Variants in NOL4L observed in about 807,000 individuals in gnomAD.
NOL4L encodes the protein nucleolar protein 4-like.
A neutral mutation model predicts 64.5 loss-of-function variants in NOL4L; 7 were observed. The observed-to-expected ratio is 0.11, with a 90% CI of 0.06 to 0.20. NOL4L has a LOEUF of 0.20. NOL4L is among the 10% of genes least tolerant of loss of function. The pLI is 1.00. For missense variants in NOL4L, 680 were observed against 967.1 expected (o/e 0.70, Z 3.94); for synonymous variants, 413 against 401.0 (o/e 1.03, Z -0.36).
rs2013108302 is a variant in NOL4L, at chr20:32,453,167, G to A, written c.1497+137C>T. 3.6e-6 allele frequency: 5 copies of A among 1,407,838 alleles called. No homozygotes were observed. In the African/African-American group the frequency reaches 7.1e-5, roughly 20 times the overall value. 87.2% of individuals were successfully genotyped at this position (1,407,838 alleles called of 1,614,324 possible). On this transcript the variant is annotated intron_variant, in intron 8 of 10. Coordinates refer to ENST00000621426, the MANE Select transcript of NOL4L (RefSeq NM_001256798.2). This position sits in a 1 kb window ranked among gnomAD's most constrained non-coding sequence, Gnocchi z 5.6. ...TTTCTGGGCCTTAGTTCCCTCATTT[G>A]CAAACCAGGGATTATGGTACTTGCT...
At chr20:32,448,482 C>T (rs1568586091) in intron 10 of NOL4L, among the ~76,000 whole-genome samples, 2 of 152,168 alleles carry the variant, frequency 1.3e-5, no homozygotes, top group East Asian at 3.9e-4. Flanking sequence ...CATAACTGCA[C>T]CCCCAGGAGG....
chr20:32,488,965 C>CTTTTT (rs1174304651), intron 4 of NOL4L, among the ~76,000 whole-genome samples: 630 of 45,076 alleles, frequency 0.014, 93 homozygotes, highest in African/African-American at 0.052. Flanking sequence ...AATTGTTGGT[C>CTTTTT]TTTTTTTTTT....
chr20:32,452,831 G>T (rs2145427751), intron 9 of NOL4L, 53 bp downstream of exon 9: 1 of 1,606,848 alleles, frequency 6.2e-7, no homozygotes, highest in South Asian at 1.1e-5. Flanking sequence ...TATAAGGCCT[G>T]CCCTCCCTGG....
At chr20:32,527,272 C>T (rs762807799) in intron 2 of NOL4L, among the ~76,000 whole-genome samples, 5 of 152,168 alleles carry the variant, frequency 3.3e-5, no homozygotes, top group Non-Finnish European at 7.4e-5. Flanking sequence ...GCAGGTCCTT[C>T]GACTTCCCCT....
Position 32,453,460 on chromosome 20 carries a change from G to A in NOL4L, c.1341C>T (p.Asp447=), listed in dbSNP as rs368893204. The A allele has an allele frequency of 4.0e-5, 64 of 1,613,996 alleles. No individual in the cohort carries two copies. The highest frequency in any genetic ancestry group is 5.3e-5 in the Non-Finnish European group (62 of 1,180,024). Residue 447 remains aspartate, a synonymous_variant, in exon 8 of 11, where the codon GAC becomes GAT. Coordinates refer to ENST00000621426, the MANE Select transcript of NOL4L (RefSeq NM_001256798.2). This position sits in a 1 kb window ranked among gnomAD's most constrained non-coding sequence, Gnocchi z 5.6. ...GCTGCTTGGAGATGGGCACCATGCG[G>A]TCCAGGTTCTCGTCCACAAAGAGAC... ...FVRLFVDENL[D]RMVPISKQPK...
At chr20:32,555,806 A>G (rs377129137) in intron 1 of NOL4L, among the ~76,000 whole-genome samples, 18 of 152,086 alleles carry the variant, frequency 1.2e-4, no homozygotes, top group African/African-American at 4.3e-4. Context: ...TTGATTTTGA[A>G]CTTCCAGCCG....
intron 5 of NOL4L, among the ~76,000 whole-genome samples, chr20:32,459,149 C>G (rs1294665656): frequency 6.6e-6 from 1 of 152,126 alleles, no homozygotes; most frequent in Admixed American, 6.5e-5. Context: ...GCTAGGACCT[C>G]GTATGGCCAA....
At chr20:32,489,483 G>A (rs981298680) in intron 4 of NOL4L, among the ~76,000 whole-genome samples, 2 of 151,672 alleles carry the variant, frequency 1.3e-5, no homozygotes, top group African/African-American at 4.8e-5. Context: ...GCCTCCCAAA[G>A]TGCTGGAATT....
chr20:32,550,356 C>T (rs911151521), intron 1 of NOL4L, among the ~76,000 whole-genome samples: 1 of 152,266 alleles, frequency 6.6e-6, no homozygotes, highest in Non-Finnish European at 1.5e-5. Flanking sequence ...AAGCGATTCT[C>T]CGGCCTCGGC....
chr20:32,584,206 C>G (rs1980736026), intron 1 of NOL4L, among the ~76,000 whole-genome samples: 1 of 149,966 alleles, frequency 6.7e-6, no homozygotes. Context: ...CGCGAGGCGC[C>G]CGGGACAGGC....
At chr20:32,455,550 G>T (rs1352582801) in intron 6 of NOL4L, among the ~76,000 whole-genome samples, 1 of 152,230 alleles carries the variant, frequency 6.6e-6, no homozygotes, top group Non-Finnish European at 1.5e-5. Flanking sequence ...AACCTTAGTG[G>T]CCCGGAGGCA....
chr20:32,517,185 G>T (rs2017706671), intron 3 of NOL4L, among the ~76,000 whole-genome samples: 2 of 152,190 alleles, frequency 1.3e-5, no homozygotes, highest in African/African-American at 4.8e-5. Flanking sequence ...CTGAGCAAAG[G>T]AGGCCACTCT....
chr20:32,482,646 G>C (rs779063171), intron 4 of NOL4L, among the ~76,000 whole-genome samples: 3 of 147,428 alleles, frequency 2.0e-5, no homozygotes, highest in Non-Finnish European at 4.5e-5. Context: ...AGGCCCCTTC[G>C]CCAGGGGCCG....
At chr20:32,487,939 T>A (rs67657823) in intron 4 of NOL4L, among the ~76,000 whole-genome samples, 61 of 105,672 alleles carry the variant, frequency 5.8e-4, no homozygotes, top group Non-Finnish European at 1.0e-3. Context: ...GTTTTATTTT[T>A]TTTTTTTTTT....
chr20:32,521,026 G>A (rs1381899372), intron 2 of NOL4L, 104 bp from the exon 3 acceptor site: 3 of 614,198 alleles, frequency 4.9e-6, no homozygotes, highest in Non-Finnish European at 8.4e-6. Flanking sequence ...TTCGGCTCTT[G>A]CAAGGAAAGT....
At chr20:32,486,197 G>A (rs1249521977) in intron 4 of NOL4L, among the ~76,000 whole-genome samples, 2 of 152,174 alleles carry the variant, frequency 1.3e-5, no homozygotes, top group Non-Finnish European at 2.9e-5. Flanking sequence ...TGCCACTCCT[G>A]GAGTAACCTT....
rs1980791455 is a variant in NOL4L, at chr20:32,584,925, C to CGGCCGCCG, written c.-43_-36dup. The stretch of plus-strand genomic sequence containing the variant: ...GCGCCCGGCGCCCTCGGGGGCGGGC[C>CGGCCGCCG]GGCCGCCGGGCCGCCCGGTGCCGGG... On this transcript the variant is annotated 5_prime_UTR_variant, in exon 1 of 11. Transcript: ENST00000621426. 3 of 1,144,234 alleles carry CGGCCGCCG rather than the reference C, an allele frequency of 2.6e-6. No homozygotes were observed. The East Asian group carries it at 1.3e-4, about 48-fold the overall frequency. 70.9% of individuals were successfully genotyped at this position (1,144,234 alleles called of 1,614,324 possible). A position where few individuals can be genotyped will look rare whatever the true frequency, so the allele number is the denominator to read the frequency against.
Position 32,556,283 on chromosome 20 carries a change from G to C in NOL4L, c.321+28287C>G, listed in dbSNP as rs548872667. 1.8e-3 allele frequency among the ~76,000 whole-genome samples: 267 copies of C among 152,014 alleles called. 2 individuals are homozygous for C. The highest frequency in any genetic ancestry group is 6.2e-3 in the African/African-American group (258 of 41,378). On this transcript the variant is annotated intron_variant, in intron 1 of 10. Coordinates refer to ENST00000621426, the MANE Select transcript of NOL4L (RefSeq NM_001256798.2). ...GCAAATATTTCCTTTGTGGGGGGGGGGGGTTTCCCTGGAGCCCCTCAGCTC... is the reference window on the plus strand; with the variant it reads ...GCAAATATTTCCTTTGTGGGGGGGGCGGGTTTCCCTGGAGCCCCTCAGCTC...
At chr20:32,582,998 G>A (rs1177438587) in intron 1 of NOL4L, among the ~76,000 whole-genome samples, 1 of 152,060 alleles carries the variant, frequency 6.6e-6, no homozygotes, top group African/African-American at 2.4e-5. Flanking sequence ...TGCTGATTTA[G>A]GCTGGGAGGG....
Sources: allele counts gnomAD v4.1 joint callset (sites outside exome capture counted in the v4.1 genomes callset), GRCh38; gene constraint gnomAD v4.1.1; non-coding constraint Gnocchi (gnomAD v3.1); transcripts MANE v1.5; gene names NCBI Gene and HGNC (gene_info 2026-07-23, HGNC 2026-07-21).